PPFIA2: variants seen among roughly 807,000 people sequenced by gnomAD.
PPFIA2 encodes the protein liprin-alpha-2.
A neutral mutation model predicts 175.5 loss-of-function variants in PPFIA2; 46 were observed. The ratio of observed to expected loss-of-function variants is 0.26; its 90% CI spans 0.21 to 0.34. PPFIA2 has a LOEUF of 0.34. Ranked by LOEUF, PPFIA2 falls within the 10% of genes least tolerant of loss-of-function variation. The pLI is 1.00. For synonymous variants in PPFIA2, 568 were observed against 511.4 expected, an observed-to-expected ratio of 1.11 and a Z score of -1.49; for missense variants, 1,179 against 1,506.1, an observed-to-expected ratio of 0.78 and a Z score of 3.60.
At chr12:81,371,495 T>C (rs549006593) in intron 11 of PPFIA2, among the ~76,000 whole-genome samples, 57 of 151,774 alleles carry the variant, frequency 3.8e-4, no homozygotes, top group African/African-American at 1.2e-3. Context: ...TCTTCAAAAA[T>C]ACAAGTTTTT....
chr12:81,395,596 T>A (rs1462375174), intron 8 of PPFIA2, among the ~76,000 whole-genome samples: 1 of 151,970 alleles, frequency 6.6e-6, no homozygotes, highest in Non-Finnish European at 1.5e-5. Flanking sequence ...TGAAAACACT[T>A]CTTTCCACAA....
chr12:81,424,733 C>T (rs1350937215), intron 7 of PPFIA2: 2 of 152,152 alleles, frequency 1.3e-5, no homozygotes, highest in African/African-American at 2.4e-5. Flanking sequence ...TTCCTGATCT[C>T]GCCCTTAAAA....
At chr12:81,395,695 AG>A (rs2041004319) in intron 8 of PPFIA2, among the ~76,000 whole-genome samples, 2 of 152,060 alleles carry the variant, frequency 1.3e-5, no homozygotes, top group African/African-American at 4.8e-5. Context: ...CGTCATGCCA[AG>A]ACAGATTTAT....
At chr12:81,612,021 AT>A (rs1279565321) in intron 4 of PPFIA2, among the ~76,000 whole-genome samples, 1 of 152,018 alleles carries the variant, frequency 6.6e-6, no homozygotes, top group Non-Finnish European at 1.5e-5. Context: ...CTTCCTTTCT[AT>A]TCAGCCTCAG....
At chr12:81,540,250 T>C (rs901717329) in intron 4 of PPFIA2, among the ~76,000 whole-genome samples, 3 of 152,088 alleles carry the variant, frequency 2.0e-5, no homozygotes, top group African/African-American at 7.2e-5. Flanking sequence ...GTAAACCTTT[T>C]AAAGTCTTCT....
intron 3 of PPFIA2, among the ~76,000 whole-genome samples, chr12:81,708,162 T>G (rs1361579977): frequency 6.7e-6 from 1 of 150,174 alleles, no homozygotes; most frequent in Admixed American, 6.6e-5. Flanking sequence ...CCCTAAAACT[T>G]AAAGTATAAT....
intron 28 of PPFIA2, among the ~76,000 whole-genome samples, chr12:81,272,382 C>T (rs1276247357): frequency 6.6e-6 from 1 of 152,042 alleles, no homozygotes; most frequent in African/African-American, 2.4e-5. Context: ...TATCATTCGT[C>T]CTTTTTGTTT....
intron 31 of PPFIA2, 87 bp from the exon 32 acceptor site, chr12:81,262,127 G>A: frequency 1.1e-6 from 1 of 941,144 alleles, no homozygotes; most frequent in Admixed American, 2.0e-5. Flanking sequence ...CCTGCATACA[G>A]GGATTCCGAA....
At chr12:81,611,563 C>T (rs2060914108) in intron 4 of PPFIA2, among the ~76,000 whole-genome samples, 1 of 152,114 alleles carries the variant, frequency 6.6e-6, no homozygotes, top group Non-Finnish European at 1.5e-5. Context: ...GGTGCACCCA[C>T]TCCTGCAGGG....
At chr12:81,362,648 G>A (rs1288715280) in intron 15 of PPFIA2, 45 bp downstream of exon 15, 1 of 1,304,240 alleles carries the variant, frequency 7.7e-7, no homozygotes. Flanking sequence ...GGGAATTCAT[G>A]TTGATTTTCA....
intron 7 of PPFIA2, among the ~76,000 whole-genome samples, chr12:81,427,768 G>A (rs575161654): frequency 4.5e-4 from 69 of 152,034 alleles, no homozygotes; most frequent in African/African-American, 1.7e-3. Flanking sequence ...TACAACTTCA[G>A]TATGCCAAGT....
At chr12:81,353,751 T>C (rs1329504172) in intron 16 of PPFIA2, among the ~76,000 whole-genome samples, 1 of 152,190 alleles carries the variant, frequency 6.6e-6, no homozygotes, top group Non-Finnish European at 1.5e-5. Flanking sequence ...ACCACAAATA[T>C]TATCACATAA....
At chr12:81,547,508 T>G (rs952943956) in intron 4 of PPFIA2, among the ~76,000 whole-genome samples, 1 of 152,278 alleles carries the variant, frequency 6.6e-6, no homozygotes, top group East Asian at 1.9e-4. Context: ...CCTGAGTAGC[T>G]GGGATTACAG....
At chr12:81,517,217 G>A (rs190831367) in intron 4 of PPFIA2, among the ~76,000 whole-genome samples, 2 of 148,816 alleles carry the variant, frequency 1.3e-5, no homozygotes, top group Admixed American at 1.4e-4. Context: ...ATGTCTTACC[G>A]AATCACTGGT....
intron 4 of PPFIA2, among the ~76,000 whole-genome samples, chr12:81,643,014 G>A (rs2065544735): frequency 1.4e-5 from 2 of 144,610 alleles, no homozygotes; most frequent in Admixed American, 7.0e-5. Context: ...ATTTTATATA[G>A]TGTATATATC....
chr12:81,340,962 G>C, intron 20 of PPFIA2, 116 bp downstream of exon 20: 1 of 1,123,324 alleles, frequency 8.9e-7, no homozygotes, highest in Non-Finnish European at 1.2e-6. Context: ...AGGGAAGCTG[G>C]AGAATTCTGG....
chr12:81,484,478 T>C (rs887542969), intron 4 of PPFIA2, among the ~76,000 whole-genome samples: 3 of 152,036 alleles, frequency 2.0e-5, no homozygotes, highest in South Asian at 2.1e-4. Flanking sequence ...AATATTTTCA[T>C]GTTGTACAAT....
At chr12:81,469,478 G>A (rs928674277) in intron 4 of PPFIA2, among the ~76,000 whole-genome samples, 1 of 152,196 alleles carries the variant, frequency 6.6e-6, no homozygotes, top group Non-Finnish European at 1.5e-5. Context: ...GTGCGTGAAG[G>A]GGGCATCTAA....
intron 4 of PPFIA2, among the ~76,000 whole-genome samples, chr12:81,478,918 G>A (rs1231663003): frequency 6.6e-6 from 1 of 152,068 alleles, no homozygotes; most frequent in Non-Finnish European, 1.5e-5. Context: ...AGAGTTCTGT[G>A]GATGTCTATT....
Sources: allele counts gnomAD v4.1 joint callset (sites outside exome capture counted in the v4.1 genomes callset), GRCh38; gene constraint gnomAD v4.1.1; transcripts MANE v1.5; gene names NCBI Gene and HGNC (gene_info 2026-07-23, HGNC 2026-07-21).